The following LCMT1 variants were observed in gnomAD, a reference collection of about 807,000 sequenced individuals.
LCMT1 encodes [Phosphatase 2A protein]-leucine-carboxy methyltransferase 1.
LCMT1 carries 32 observed loss-of-function variants against 47.7 expected under a neutral mutation model. The ratio of observed to expected loss-of-function variants is 0.67; its 90% CI spans 0.51 to 0.90. The LOEUF (loss-of-function observed/expected upper bound fraction) is 0.90, where lower values mean the gene tolerates loss of function less well. Ranked by LOEUF, LCMT1 falls within the 40% of genes least tolerant of loss-of-function variation. LCMT1 has a pLI of 0.00. For missense variants in LCMT1, 375 were observed against 415.2 expected (o/e 0.90, Z 0.84); for synonymous variants, 152 against 149.7 (o/e 1.02, Z -0.11).
Position 25,169,955 on chromosome 16 carries a change from C to T in LCMT1, c.792+742C>T, listed in dbSNP as rs926464959. On this transcript the variant is annotated intron_variant, in intron 8 of 10. Coordinates refer to ENST00000399069, the MANE Select transcript of LCMT1 (RefSeq NM_016309.3). ...ATTTTTTTGGGCGGGCGCGGTGGCT[C>T]ACACCTATAATCCCAGCACTTTGGG... Among the ~76,000 whole-genome samples the T allele has an allele frequency of 2.6e-5, 4 of 152,242 alleles. No homozygotes were observed. In the East Asian group the frequency reaches 7.7e-4, roughly 29 times the overall value.
chr16:25,161,155 G>T lies in LCMT1; in HGVS notation c.520G>T (p.Asp174Tyr). The T allele has an allele frequency of 6.2e-7, 1 of 1,610,926 alleles. No individual in the cohort carries two copies. Among genetic ancestry groups the T allele is most frequent in the Non-Finnish European group, 8.5e-7 (1 of 1,178,810 alleles). The change falls in exon 6 of 11, where the codon GAC becomes TAC. Residue 174 changes from aspartate (D) to tyrosine (Y), a missense_variant. Asp to Tyr is a radical substitution (Grantham distance 160, BLOSUM62 -3). Coordinates refer to ENST00000399069, the MANE Select transcript of LCMT1 (RefSeq NM_016309.3). ...RYAVIGADLR[D>Y]LSELEEKLKK... ...TGCCGTTATTGGAGCAGATCTCCGA[G>T]ACCTGTCTGAACTGGAAGAGAAGCT...
rs1411202381 is a variant in LCMT1 at position 25,140,212 on chromosome 16, TC to T, written c.371del (p.Pro124GlnfsTer2). The T allele has an allele frequency of 6.2e-7, 1 of 1,608,602 alleles. No homozygotes were observed. Among genetic ancestry groups the T allele is most frequent in the East Asian group, 2.2e-5 (1 of 44,794 alleles). On this transcript the variant is annotated frameshift_variant, in exon 4 of 11. Coordinates refer to ENST00000399069, the MANE Select transcript of LCMT1 (RefSeq NM_016309.3). LOFTEE classifies it high-confidence loss of function. ...CAAGTAAATATTTTGAGGTTGACTT[TC>T]CAATGATTGTCACGAGAAAGCTGCA... ...LPSKYFEVDF[P>X]MIVTRKLHSI...
chr16:25,112,590 C>G (rs1959657102), intron 1 of LCMT1, among the ~76,000 whole-genome samples: 1 of 152,128 alleles, frequency 6.6e-6, no homozygotes, highest in Admixed American at 6.5e-5. Flanking sequence ...ACCATTTATT[C>G]TTTCATTCAA....
At chr16:25,159,390 C>T (rs575934416) in intron 5 of LCMT1, among the ~76,000 whole-genome samples, 3 of 152,274 alleles carry the variant, frequency 2.0e-5, no homozygotes, top group African/African-American at 4.8e-5. Context: ...CCTCAGCCTC[C>T]GGAGTAGCTG....
intron 6 of LCMT1, 51 bp downstream of exon 6, chr16:25,161,255 T>A: frequency 9.9e-7 from 1 of 1,006,956 alleles, no homozygotes; most frequent in Non-Finnish European, 1.5e-6. Flanking sequence ...TTATGCTAAT[T>A]ATGAGATAAG....
chr16:25,140,359 C>T, intron 4 of LCMT1, 112 bp downstream of exon 4: 2 of 776,848 alleles, frequency 2.6e-6, no homozygotes, highest in East Asian at 2.7e-5. Flanking sequence ...GCCTTCCGTT[C>T]ACTGCCCCCC....
chr16:25,132,058 C>T, intron 2 of LCMT1: 1 of 389,404 alleles, frequency 2.6e-6, no homozygotes. Flanking sequence ...TTACCCGAGT[C>T]CAGAGTGGCT....
intron 5 of LCMT1, 77 bp downstream of exon 5, chr16:25,151,692 GTTGGGTGTGTGTGTGTGT>G: frequency 1.6e-6 from 1 of 620,200 alleles, no homozygotes; most frequent in Non-Finnish European, 2.6e-6. Context: ...TGGGGTTTGT[GTTGGGTGTGTGTGTGTGT>G]GTGTGTGTGT....
intron 5 of LCMT1, 56 bp downstream of exon 5, chr16:25,151,671 C>A: frequency 1.5e-6 from 2 of 1,362,936 alleles, no homozygotes; most frequent in Non-Finnish European, 2.1e-6. Flanking sequence ...TTCCCACCCC[C>A]TTTTTGAAGA....
At position 25,156,811 on chromosome 16, in the gene LCMT1, G is replaced by A. The variant is rs73565017; in HGVS notation, c.467-4291G>A. Among the ~76,000 whole-genome samples, 504 of 152,254 alleles carry A rather than the reference G, an allele frequency of 3.3e-3. 2 individuals are homozygous for A. The highest frequency in any genetic ancestry group is 0.012 in the African/African-American group (485 of 41,536). ...GGATTTTAAGCCCCATGAGGGCAGG[G>A]ACCATGTCTTCTTGTTCATCAGTTA... On this transcript the variant is annotated intron_variant, in intron 5 of 10. Coordinates refer to ENST00000399069, the MANE Select transcript of LCMT1 (RefSeq NM_016309.3).
intron 1 of LCMT1, among the ~76,000 whole-genome samples, chr16:25,123,833 T>C (rs1464197147): frequency 6.6e-6 from 1 of 152,068 alleles, no homozygotes; most frequent in Admixed American, 6.6e-5. Context: ...GGTCTCGAAC[T>C]CCTGACCTCA....
rs1176741138 is a variant in LCMT1 at position 25,140,221 on chromosome 16, T to A, written c.378T>A (p.Ile126=). ...ATTTTGAGGTTGACTTTCCAATGAT[T>A]GTCACGAGAAAGCTGCACAGTATCA... ...SKYFEVDFPM[I]VTRKLHSIKC... is the part of the protein sequence containing the mutation. Residue 126 remains isoleucine (I), a synonymous_variant, in exon 4 of 11, where the codon ATT becomes ATA. Transcript: ENST00000399069. The A allele has an allele frequency of 2.7e-5, 43 of 1,606,350 alleles. No individual in the cohort carries two copies. The highest frequency in any genetic ancestry group is 3.3e-5 in the Non-Finnish European group (39 of 1,176,222).
intron 1 of LCMT1, among the ~76,000 whole-genome samples, chr16:25,115,655 C>T (rs1318653440): frequency 6.6e-6 from 1 of 152,176 alleles, no homozygotes; most frequent in Non-Finnish European, 1.5e-5. Context: ...TAGAATGAAA[C>T]TCCCTTAACC....
intron 10 of LCMT1, among the ~76,000 whole-genome samples, chr16:25,176,707 G>A (rs1453242595): frequency 1.3e-4 from 20 of 150,158 alleles, no homozygotes; most frequent in Middle Eastern, 3.2e-3. Flanking sequence ...GATTACAGGC[G>A]TCCACCACCA....
At chr16:25,171,775 A>C (rs1330455803) in intron 9 of LCMT1, among the ~76,000 whole-genome samples, 1 of 152,234 alleles carries the variant, frequency 6.6e-6, no homozygotes, top group African/African-American at 2.4e-5. Context: ...AAGTGCATGA[A>C]GTATAAAGTA....
chr16:25,139,325 C>T (rs1313427981), intron 3 of LCMT1, among the ~76,000 whole-genome samples: 1 of 152,104 alleles, frequency 6.6e-6, no homozygotes, highest in African/African-American at 2.4e-5. Flanking sequence ...CCAAGAGTGC[C>T]TGTTCTTTAA....
chr16:25,163,774 A>G (rs1961504545), intron 6 of LCMT1, among the ~76,000 whole-genome samples: 1 of 152,182 alleles, frequency 6.6e-6, no homozygotes, highest in Non-Finnish European at 1.5e-5. Context: ...GAAACATCAT[A>G]CTTATGAGCT....
At chr16:25,136,424 C>T (rs1960506101) in intron 3 of LCMT1, among the ~76,000 whole-genome samples, 1 of 151,784 alleles carries the variant, frequency 6.6e-6, no homozygotes. Context: ...GAAGTTGAAG[C>T]ATCACTTGTC....
At chr16:25,150,619 C>T (rs1961050284) in intron 4 of LCMT1, among the ~76,000 whole-genome samples, 1 of 152,072 alleles carries the variant, frequency 6.6e-6, no homozygotes, top group South Asian at 2.1e-4. Context: ...GCTGGGATTA[C>T]AGGCGTGAGC....
Sources: allele counts gnomAD v4.1 joint callset (sites outside exome capture counted in the v4.1 genomes callset), GRCh38; gene constraint gnomAD v4.1.1; transcripts MANE v1.5; gene names NCBI Gene and HGNC (gene_info 2026-07-23, HGNC 2026-07-21).